The following GRIK3 variants were observed in gnomAD, a reference collection of about 807,000 sequenced individuals.
The protein encoded by GRIK3 is glutamate receptor ionotropic, kainate 3.
A neutral mutation model predicts 102.5 loss-of-function variants in GRIK3; 29 were observed. The observed-to-expected ratio is 0.28, with a 90% confidence interval of 0.21 to 0.39. GRIK3 has a LOEUF of 0.39. GRIK3 is among the 10% of genes least tolerant of loss of function. The pLI is 1.00. For missense variants in GRIK3, 908 were observed against 1,252.4 expected, an observed-to-expected ratio of 0.73 and a Z score of 4.15; for synonymous variants, 511 against 504.9, an observed-to-expected ratio of 1.01 and a Z score of -0.16.
chr1:36,996,742 A>C (rs1478904050), intron 1 of GRIK3, among the ~76,000 whole-genome samples: 1 of 152,158 alleles, frequency 6.6e-6, no homozygotes, highest in Non-Finnish European at 1.5e-5. Context: ...ATTCTGCTAG[A>C]ACTTGGTCAC....
chr1:36,840,740 A>C (rs1640438090), intron 10 of GRIK3, among the ~76,000 whole-genome samples: 1 of 152,046 alleles, frequency 6.6e-6, no homozygotes. Flanking sequence ...AATTACTCCT[A>C]TTTTAGAAAT....
intron 12 of GRIK3, among the ~76,000 whole-genome samples, chr1:36,818,702 T>C (rs1029086317): frequency 6.6e-6 from 1 of 152,256 alleles, no homozygotes; most frequent in African/African-American, 2.4e-5. Flanking sequence ...CACATTGGGA[T>C]AATGCCATTT....
At chr1:36,992,864 C>G (rs545765896) in intron 1 of GRIK3, among the ~76,000 whole-genome samples, 23 of 152,132 alleles carry the variant, frequency 1.5e-4, no homozygotes, top group Non-Finnish European at 2.9e-4. Context: ...GCTACTGAAC[C>G]AGGATTGGAA....
intron 1 of GRIK3, among the ~76,000 whole-genome samples, chr1:36,936,266 C>A (rs1392430404): frequency 6.6e-6 from 1 of 152,144 alleles, no homozygotes; most frequent in Non-Finnish European, 1.5e-5. Context: ...CAACCCAGGG[C>A]AAATCAGGGG....
intron 1 of GRIK3, among the ~76,000 whole-genome samples, chr1:36,896,909 T>C (rs1329462970): frequency 6.6e-6 from 1 of 152,216 alleles, no homozygotes; most frequent in Non-Finnish European, 1.5e-5. Flanking sequence ...TGCGATCATC[T>C]GAATCAATGC....
chr1:36,930,099 G>A (rs1272787867), intron 1 of GRIK3, among the ~76,000 whole-genome samples: 3 of 152,224 alleles, frequency 2.0e-5, no homozygotes, highest in Admixed American at 6.5e-5. Context: ...GGCATTAGGC[G>A]TCACAGCCTG....
chr1:36,831,039 A>C (rs765753219), intron 10 of GRIK3, among the ~76,000 whole-genome samples: 1 of 152,148 alleles, frequency 6.6e-6, no homozygotes, highest in Non-Finnish European at 1.5e-5. Flanking sequence ...GACCTCCAGC[A>C]CTGGCAGTTC....
intron 1 of GRIK3, among the ~76,000 whole-genome samples, chr1:36,951,551 A>T (rs1641843615): frequency 6.6e-6 from 1 of 152,216 alleles, no homozygotes; most frequent in Non-Finnish European, 1.5e-5. Context: ...TCGAACTGGC[A>T]ATGCTGGTCG....
chr1:36,871,289 C>A (rs954430284), intron 4 of GRIK3, among the ~76,000 whole-genome samples: 1 of 152,190 alleles, frequency 6.6e-6, no homozygotes, highest in African/African-American at 2.4e-5. Flanking sequence ...GGCTGCCATT[C>A]AGGCCTGGCA....
At chr1:36,803,357 G>A (rs1404831591) in intron 15 of GRIK3, among the ~76,000 whole-genome samples, 1 of 152,164 alleles carries the variant, frequency 6.6e-6, no homozygotes, top group East Asian at 1.9e-4. Flanking sequence ...AAGGAAGTGG[G>A]CAGAGAAGTG....
chr1:36,816,081 A>G (rs1642623239), intron 13 of GRIK3, among the ~76,000 whole-genome samples: 1 of 152,124 alleles, frequency 6.6e-6, no homozygotes, highest in Non-Finnish European at 1.5e-5. Context: ...CCTCCAGATG[A>G]TCTGAATGCA....
chr1:36,815,300 A>G (rs989269936), intron 13 of GRIK3, among the ~76,000 whole-genome samples: 1 of 152,070 alleles, frequency 6.6e-6, no homozygotes, highest in African/African-American at 2.4e-5. Context: ...AAGGAGGGAC[A>G]TGGTGGGGGC....
In GRIK3 at chr1:36,850,993, G is replaced by A. The variant is rs957716586; in HGVS notation, c.1213-569C>T. 6.6e-6 allele frequency among the ~76,000 whole-genome samples: 1 copy of A among 152,200 alleles called. No homozygotes were observed. Among genetic ancestry groups the A allele is most frequent in the Non-Finnish European group, 1.5e-5 (1 of 68,032 alleles). ...CGTCCTTGTGGATATCGGGCCTGAG[G>A]CTAGAGGTAGAGAAGGAAAGGTCAA... On this transcript the variant is annotated intron_variant, in intron 8 of 15. Coordinates refer to ENST00000373091, the MANE Select transcript of GRIK3 (RefSeq NM_000831.4). The surrounding 1 kb of genome is among the most constrained non-coding windows in gnomAD (Gnocchi z 4.0).
intron 1 of GRIK3, among the ~76,000 whole-genome samples, chr1:36,973,253 G>A (rs939662150): frequency 1.3e-5 from 2 of 152,022 alleles, no homozygotes; most frequent in African/African-American, 2.4e-5. Context: ...CCTCCTCCCT[G>A]CGTTGGCGGC....
chr1:36,929,249 C>T (rs143833278), intron 1 of GRIK3, among the ~76,000 whole-genome samples: 4 of 152,116 alleles, frequency 2.6e-5, no homozygotes, highest in African/African-American at 7.2e-5. Context: ...TCTCCATCTT[C>T]GAAGGTGCTC....
At chr1:36,975,716 T>A (rs55905368) in intron 1 of GRIK3, among the ~76,000 whole-genome samples, 24,874 of 152,158 alleles carry the variant, frequency 0.16, 2,172 homozygotes, top group South Asian at 0.2. Context: ...CTGAAGGAGA[T>A]GATATCCCCA....
At chr1:36,972,715 C>T (rs1334913570) in intron 1 of GRIK3, among the ~76,000 whole-genome samples, 1 of 152,160 alleles carries the variant, frequency 6.6e-6, no homozygotes. Flanking sequence ...AACAACCATG[C>T]AAGACAGGCA....
At chr1:36,838,511 C>T (rs559272394) in intron 10 of GRIK3, among the ~76,000 whole-genome samples, 6 of 152,124 alleles carry the variant, frequency 3.9e-5, no homozygotes, top group Non-Finnish European at 7.4e-5. Flanking sequence ...AGGTGACTTG[C>T]GGCAGGCGAG....
chr1:36,926,872 C>A (rs1042297288), intron 1 of GRIK3, among the ~76,000 whole-genome samples: 15 of 152,196 alleles, frequency 9.9e-5, no homozygotes, highest in African/African-American at 3.4e-4. Context: ...GTAAGTGAGT[C>A]TGTAGAGTTC....
Sources: allele counts gnomAD v4.1 joint callset (sites outside exome capture counted in the v4.1 genomes callset), GRCh38; gene constraint gnomAD v4.1.1; non-coding constraint Gnocchi (gnomAD v3.1); transcripts MANE v1.5; gene names NCBI Gene and HGNC (gene_info 2026-07-23, HGNC 2026-07-21).